Variants in ATP5MC2 observed in about 807,000 individuals in gnomAD.
The protein encoded by ATP5MC2 is ATP synthase F(0) complex subunit C2, mitochondrial.
ATP5MC2 carries 11 observed loss-of-function variants against 13.5 expected under a neutral mutation model. The observed-to-expected ratio is 0.81, with a 90% CI of 0.51 to 1.35. ATP5MC2 has a LOEUF of 1.35. Ranked by LOEUF, ATP5MC2 falls within the 40% of genes most tolerant of loss-of-function variation. ATP5MC2 has a pLI of 0.00. For missense variants in ATP5MC2, 132 were observed against 175.0 expected (o/e 0.75, Z 1.39); for synonymous variants, 64 against 69.7 (o/e 0.92, Z 0.41).
chr12:53,667,956 C>CATACATATATAT (rs1944971986), intron 4 of ATP5MC2, among the ~76,000 whole-genome samples: 1 of 67,364 alleles, frequency 1.5e-5, no homozygotes, highest in African/African-American at 4.7e-5. Context: ...CATACACACA[C>CATACATATATAT]ATATATATAT....
At chr12:53,671,481 CAAAT>C (rs1945092954) in intron 2 of ATP5MC2, among the ~76,000 whole-genome samples, 1 of 152,178 alleles carries the variant, frequency 6.6e-6, no homozygotes, top group African/African-American at 2.4e-5. Context: ...GTTTCTGAGT[CAAAT>C]ACTTTTCCAA....
chr12:53,667,748 G>T (rs1944960692), intron 4 of ATP5MC2, among the ~76,000 whole-genome samples: 1 of 151,556 alleles, frequency 6.6e-6, no homozygotes, highest in African/African-American at 2.4e-5. Flanking sequence ...GCCCGCCTCG[G>T]CCTCCCAAAG....
At chr12:53,671,953 G>T (rs1945105554) in intron 2 of ATP5MC2, among the ~76,000 whole-genome samples, 1 of 151,912 alleles carries the variant, frequency 6.6e-6, no homozygotes, top group African/African-American at 2.4e-5. Context: ...AATTAGCTGG[G>T]TATGGTGGCA....
chr12:53,665,294 G>A lies in ATP5MC2; in HGVS notation c.*20C>T, dbSNP rs1944883101. 2 of 1,588,848 alleles carry A rather than the reference G, an allele frequency of 1.3e-6. No individual in the cohort carries two copies. The highest frequency in any genetic ancestry group is 1.4e-5 in the African/African-American group (1 of 73,598). On this transcript the variant is annotated 3_prime_UTR_variant, in exon 5 of 5. Transcript: ENST00000394349. ...GGCCAACCAGACGCGGGAGAACTAT[G>A]GGAGGTGGAGACGGCTCCTTCACAT...
intron 4 of ATP5MC2, among the ~76,000 whole-genome samples, chr12:53,667,867 C>T (rs1049219312): frequency 4.0e-5 from 6 of 150,540 alleles, no homozygotes; most frequent in African/African-American, 1.5e-4. Context: ...CTTAGTTTGC[C>T]AACACATGCT....
intron 2 of ATP5MC2, among the ~76,000 whole-genome samples, chr12:53,671,789 T>A (rs1945099221): frequency 6.6e-6 from 1 of 152,124 alleles, no homozygotes; most frequent in Non-Finnish European, 1.5e-5. Context: ...ATCAGCAATT[T>A]AGGAGGCCGA....
chr12:53,676,365 T>TG, upstream of ATP5MC2: 1 of 904,296 alleles, frequency 1.1e-6, no homozygotes, highest in African/African-American at 1.7e-5. Context: ...ATCTCGGACT[T>TG]GCGTCCCCTT....
intron 1 of ATP5MC2, chr12:53,673,842 A>G (rs1161438242): frequency 1.1e-5 from 2 of 180,422 alleles, no homozygotes; most frequent in Non-Finnish European, 2.4e-5. Flanking sequence ...AAAAGTATTA[A>G]ATTGTGTCTC....
intron 4 of ATP5MC2, among the ~76,000 whole-genome samples, chr12:53,665,824 A>G (rs1944897910): frequency 6.6e-6 from 1 of 152,170 alleles, no homozygotes; most frequent in South Asian, 2.1e-4. Context: ...CTAAAAGCCA[A>G]ACTGCAATGG....
rs775051751 is a variant in ATP5MC2, at chr12:53,669,111, A to G, written c.311+37T>C. ...AAATATTTTCTGACCTTTGGAAAGC[A>G]TATCAGATAACCAGTGGAGGGTCCA... is the stretch of plus-strand genomic sequence containing the variant. On this transcript the variant is annotated intron_variant, in intron 4 of 4. Coordinates refer to ENST00000394349, the MANE Select transcript of ATP5MC2 (RefSeq NM_005176.7). The G allele has an allele frequency of 8.9e-6, 14 of 1,569,396 alleles. 1 individual carries two copies. Among genetic ancestry groups the G allele is most frequent in the South Asian group, 5.9e-5 (5 of 84,330 alleles).
chr12:53,669,770 C>A, intron 3 of ATP5MC2, 101 bp downstream of exon 3: 1 of 1,259,334 alleles, frequency 7.9e-7, no homozygotes, highest in South Asian at 1.3e-5. Context: ...TGAATTTTAG[C>A]CTGTGATGAC....
At chr12:53,681,317 G>A (rs1200130550), upstream of ATP5MC2, among the ~76,000 whole-genome samples, 1 of 151,288 alleles carries the variant, frequency 6.6e-6, no homozygotes, top group Non-Finnish European at 1.5e-5. Context: ...TTTGAGGTCA[G>A]GAGTTCAAAA....
intron 2 of ATP5MC2, 59 bp from the exon 3 acceptor site, chr12:53,670,007 A>T: frequency 6.7e-7 from 1 of 1,501,390 alleles, no homozygotes; most frequent in Non-Finnish European, 9.3e-7. Flanking sequence ...GGAGTTTCAG[A>T]ACTATGCCAC....
intron 2 of ATP5MC2, chr12:53,670,279 A>G (rs915089666): frequency 2.7e-6 from 1 of 373,124 alleles, no homozygotes; most frequent in Non-Finnish European, 5.2e-6. Flanking sequence ...GCCTCACTCA[A>G]CAAGGGAAAT....
intron 4 of ATP5MC2, among the ~76,000 whole-genome samples, chr12:53,667,272 G>A (rs1944941925): frequency 6.6e-6 from 1 of 152,186 alleles, no homozygotes; most frequent in South Asian, 2.1e-4. Flanking sequence ...AGTCCCAGGT[G>A]TCAGAAACCA....
At chr12:53,665,552 A>T in intron 4 of ATP5MC2, 124 bp from the exon 5 acceptor site, 1 of 817,702 alleles carries the variant, frequency 1.2e-6, no homozygotes, top group Non-Finnish European at 2.0e-6. Context: ...AGAAGCTTTT[A>T]GGGTAACACC....
chr12:53,676,347 C>CGGACTGCG, upstream of ATP5MC2: 4 of 1,132,520 alleles, frequency 3.5e-6, no homozygotes, highest in African/African-American at 1.6e-5. Flanking sequence ...GTCTGTACCG[C>CGGACTGCG]GTTTGGGATC....
chr12:53,666,035 C>T (rs10876479), intron 4 of ATP5MC2, among the ~76,000 whole-genome samples: 26,388 of 152,174 alleles, frequency 0.17, 2,950 homozygotes, highest in East Asian at 0.56. Context: ...GGGCTGGGTG[C>T]GGTGGCTCAC....
At chr12:53,677,951 A>T (rs1359033034), upstream of ATP5MC2, among the ~76,000 whole-genome samples, 1 of 152,204 alleles carries the variant, frequency 6.6e-6, no homozygotes, top group African/African-American at 2.4e-5. Flanking sequence ...AGTTCTTAGG[A>T]GCCACCACCC....
Sources: gnomAD v4.1 joint callset for allele counts (sites outside exome capture counted in the v4.1 genomes callset) on GRCh38, gnomAD v4.1.1 for gene constraint, MANE v1.5 for transcripts, NCBI Gene and HGNC (gene_info 2026-07-23, HGNC 2026-07-21) for gene names.